PXK: variants seen among roughly 807,000 people sequenced by gnomAD.
PXK encodes PX domain-containing protein kinase-like protein.
A neutral mutation model predicts 84.7 loss-of-function variants in PXK; 35 were observed. That is an observed-to-expected ratio of 0.41 (90% confidence interval 0.32 to 0.55). The LOEUF is 0.55. PXK is among the 20% of genes least tolerant of loss of function. The pLI is 0.21. For missense variants in PXK, 634 were observed against 699.7 expected, an observed-to-expected ratio of 0.91 and a Z score of 1.06; for synonymous variants, 253 against 260.8, an observed-to-expected ratio of 0.97 and a Z score of 0.29.
chr3:58,408,743 C>G (rs2059751844), intron 13 of PXK, among the ~76,000 whole-genome samples, 181 bp from the exon 14 acceptor site: 1 of 152,128 alleles, frequency 6.6e-6, no homozygotes. Flanking sequence ...AGGATGGTCT[C>G]CATCTCCTGA....
intron 4 of PXK, among the ~76,000 whole-genome samples, chr3:58,389,721 C>T (rs2098604239): frequency 6.6e-6 from 1 of 151,134 alleles, no homozygotes; most frequent in Non-Finnish European, 1.5e-5. Context: ...AGGCGTCGGG[C>T]AGGTGCAGTG....
rs745658496 is a variant in PXK at position 58,409,464 on chromosome 3, G to A, written c.1309-68G>A. On this transcript the variant is annotated intron_variant, in intron 14 of 17. Coordinates refer to ENST00000356151, the MANE Select transcript of PXK (RefSeq NM_017771.5). This position sits in a 1 kb window ranked among gnomAD's most constrained non-coding sequence, Gnocchi z 4.2. ...AATAAAATGTGGTTTGCCAAAACATGTTGGAGAAGATTTTCATTAGGAAGC... is the reference window on the plus strand; with the variant it reads ...AATAAAATGTGGTTTGCCAAAACATATTGGAGAAGATTTTCATTAGGAAGC... 1.4e-6 allele frequency: 2 copies of A among 1,427,268 alleles called. No homozygotes were observed. The highest frequency in any genetic ancestry group is 2.3e-5 in the East Asian group (1 of 43,764). 88.4% of individuals were successfully genotyped at this position (1,427,268 alleles called of 1,614,324 possible). A position where few individuals can be genotyped will look rare whatever the true frequency, so the allele number is the denominator to read the frequency against.
At position 58,391,094 on chromosome 3, in the gene PXK, T is replaced by A. The variant is rs1156438530; in HGVS notation, c.467-53T>A. On this transcript the variant is annotated intron_variant, in intron 5 of 17. Coordinates refer to ENST00000356151, the MANE Select transcript of PXK (RefSeq NM_017771.5). ...TTGATTACCTAGTCAGTGAAACATATCAGTTGTTGCAAAAATTGTGCAGCT... is the reference window on the plus strand; with the variant it reads ...TTGATTACCTAGTCAGTGAAACATAACAGTTGTTGCAAAAATTGTGCAGCT... 3.0e-6 allele frequency: 4 copies of A among 1,320,424 alleles called. No homozygotes were observed. The African/African-American group carries it at 5.8e-5, about 19-fold the overall frequency. The allele number at this position is 1,320,424 out of a possible 1,614,324, so 81.8% of individuals were successfully genotyped here. A position where few individuals can be genotyped will look rare whatever the true frequency, so the allele number is the denominator to read the frequency against.
At chr3:58,363,032 T>C (rs1456679245) in intron 1 of PXK, among the ~76,000 whole-genome samples, 1 of 152,164 alleles carries the variant, frequency 6.6e-6, no homozygotes, top group Non-Finnish European at 1.5e-5. Context: ...CATTTTAGAA[T>C]AATCTTGACT....
chr3:58,336,056 TA>T (rs1559828629), intron 1 of PXK, among the ~76,000 whole-genome samples: 7 of 54,232 alleles, frequency 1.3e-4, no homozygotes, highest in African/African-American at 7.1e-4. Context: ...TATATATATA[TA>T]TATATATATA....
intron 17 of PXK, among the ~76,000 whole-genome samples, chr3:58,418,084 A>G (rs6762478): frequency 0.76 from 116,133 of 152,184 alleles, 44,482 homozygotes; most frequent in South Asian, 0.82. Context: ...CTCCCATAAC[A>G]GTGGGATTAC....
At position 58,390,335 on chromosome 3, in the gene PXK, A is replaced by T. The variant is rs762743800; in HGVS notation, c.389-247A>T. On this transcript the variant is annotated intron_variant, in intron 4 of 17. Coordinates refer to ENST00000356151, the MANE Select transcript of PXK (RefSeq NM_017771.5). The surrounding 1 kb of genome is among the most constrained non-coding windows in gnomAD (Gnocchi z 4.2). ...AATATTAGTAATGTTACTATTAACT[A>T]TGGGCTTTATTCAGATTTTACCAGT... is the stretch of plus-strand genomic sequence containing the variant. Among the ~76,000 whole-genome samples, 1 of 152,156 alleles carries T rather than the reference A, an allele frequency of 6.6e-6. No homozygotes were observed. The highest frequency in any genetic ancestry group is 1.5e-5 in the Non-Finnish European group (1 of 68,028).
At chr3:58,403,644 T>G (rs2107405830) in intron 12 of PXK, among the ~76,000 whole-genome samples, 1 of 152,306 alleles carries the variant, frequency 6.6e-6, no homozygotes, top group East Asian at 1.9e-4. Context: ...CTGGCCCAGA[T>G]ACCCTAGTAA....
chr3:58,362,017 GTT>G (rs1049730228), intron 1 of PXK, among the ~76,000 whole-genome samples: 5 of 152,022 alleles, frequency 3.3e-5, no homozygotes, highest in African/African-American at 1.2e-4. Flanking sequence ...TGTTATTACT[GTT>G]TTTTATTTAA....
In PXK at chr3:58,348,894, A is replaced by C. The variant is rs139615197; in HGVS notation, c.102+15804A>C. Among the ~76,000 whole-genome samples, 91 of 152,192 alleles carry C rather than the reference A, an allele frequency of 6.0e-4. 1 individual carries two copies. The highest frequency in any genetic ancestry group is 2.0e-3 in the African/African-American group (83 of 41,524). ...ACCACTGCACTCCAGCCTAGGTAAC[A>C]GAGTGAGACCCTGTCTGTACTTTTT... On this transcript the variant is annotated intron_variant, in intron 1 of 17. Transcript: ENST00000356151.
chr3:58,405,071 C>G (rs2107458035), intron 13 of PXK, among the ~76,000 whole-genome samples: 1 of 152,310 alleles, frequency 6.6e-6, no homozygotes, highest in South Asian at 2.1e-4. Flanking sequence ...CGCTCTTCCC[C>G]TAAGCCAGAG....
At chr3:58,353,567 C>A (rs2097990515) in intron 1 of PXK, among the ~76,000 whole-genome samples, 2 of 152,146 alleles carry the variant, frequency 1.3e-5, no homozygotes, top group African/African-American at 4.8e-5. Flanking sequence ...AAGGAGTAAT[C>A]ACTAATTCTA....
Position 58,382,667 on chromosome 3 carries a change from T to C in PXK, c.355T>C (p.Leu119=). Residue 119 remains leucine (L), a synonymous_variant, in exon 4 of 18, where the codon TTA becomes CTA. Coordinates refer to ENST00000356151, the MANE Select transcript of PXK (RefSeq NM_017771.5). ...TAATTGTGAGCTGGTTAAGAAGTTT[T>C]TAGATCCAAACAACTATTCCGCAAA... ...LSNCELVKKF[L]DPNNYSANYT... The C allele has an allele frequency of 6.3e-7, 1 of 1,583,788 alleles. No individual in the cohort carries two copies.
rs1032778742 is a variant in PXK, at chr3:58,425,451, C to G, written c.*491C>G. ...TATCTTAGACATTAACACTATAGCC[C>G]AAAGCATAGTTACTTTGCTAAATCA... On this transcript the variant is annotated 3_prime_UTR_variant, in exon 18 of 18. Transcript: ENST00000356151. 6.4e-5 allele frequency: 10 copies of G among 155,644 alleles called. No homozygotes were observed. The highest frequency in any genetic ancestry group is 1.3e-4 in the Admixed American group (2 of 15,888). The allele number at this position is 155,644 out of a possible 1,614,324, so 9.6% of individuals were successfully genotyped here.
intron 17 of PXK, among the ~76,000 whole-genome samples, chr3:58,419,449 C>T (rs34296237): frequency 0.3 from 45,106 of 152,150 alleles, 7,447 homozygotes; most frequent in Middle Eastern, 0.39. Context: ...CACAGGGTTT[C>T]GCCATGTTGG....
At chr3:58,374,465 C>T (rs760975677) in intron 3 of PXK, among the ~76,000 whole-genome samples, 4 of 152,146 alleles carry the variant, frequency 2.6e-5, no homozygotes, top group East Asian at 1.9e-4. Context: ...TGAGCCACGG[C>T]GCCTGGCCTC....
rs1226432681 is a variant in PXK, at chr3:58,407,621, C to T, written c.1231-1303C>T. Reference sequence around the variant, plus strand: ...TGTTGCTTAGGCTGGAGTGCAGCAGCACAATCTCAGCTCACTGCAACCTCC... The same window carrying T: ...TGTTGCTTAGGCTGGAGTGCAGCAGTACAATCTCAGCTCACTGCAACCTCC... On this transcript the variant is annotated intron_variant, in intron 13 of 17. Coordinates refer to ENST00000356151, the MANE Select transcript of PXK (RefSeq NM_017771.5). This position sits in a 1 kb window ranked among gnomAD's most constrained non-coding sequence, Gnocchi z 4.3. 6.6e-6 allele frequency among the ~76,000 whole-genome samples: 1 copy of T among 152,032 alleles called. No homozygotes were observed. Among genetic ancestry groups the T allele is most frequent in the Non-Finnish European group, 1.5e-5 (1 of 68,022 alleles).
In PXK at chr3:58,364,230, G is replaced by T. The variant is rs1023975375; in HGVS notation, c.103-1644G>T. On this transcript the variant is annotated intron_variant, in intron 1 of 17. Transcript: ENST00000356151. The surrounding 1 kb of genome is among the most constrained non-coding windows in gnomAD (Gnocchi z 4.3). The stretch of plus-strand genomic sequence containing the variant: ...GTACTGTCTTTGGTTTTGGGACCTG[G>T]GTAATACTAGCTTCATCAAGTGAAT... 6.6e-6 allele frequency among the ~76,000 whole-genome samples: 1 copy of T among 152,034 alleles called. No individual in the cohort carries two copies. Among genetic ancestry groups the T allele is most frequent in the Non-Finnish European group, 1.5e-5 (1 of 68,024 alleles).
chr3:58,372,733 TCTC>T (rs66713731), intron 3 of PXK, among the ~76,000 whole-genome samples: 11,002 of 151,072 alleles, frequency 0.073, 511 homozygotes, highest in South Asian at 0.1. Context: ...TTCAAGCAAT[TCTC>T]CTGCCATAAC....
Sources: gnomAD v4.1 joint callset for allele counts (sites outside exome capture counted in the v4.1 genomes callset) on GRCh38, gnomAD v4.1.1 for gene constraint, Gnocchi (gnomAD v3.1) non-coding constraint, MANE v1.5 for transcripts, NCBI Gene and HGNC (gene_info 2026-07-23, HGNC 2026-07-21) for gene names.